Variants in ASTN2 observed in about 807,000 individuals in gnomAD.
ASTN2 encodes astrotactin-2.
ASTN2 carries 54 observed loss-of-function variants against 139.8 expected under a neutral mutation model. The ratio of observed to expected loss-of-function variants is 0.39; its 90% CI spans 0.31 to 0.48. The LOEUF (loss-of-function observed/expected upper bound fraction) is 0.48. Among genes scored for constraint, ASTN2 ranks in the 20% least tolerant of loss-of-function variants. The pLI is 0.95. For missense variants in ASTN2, 1,565 were observed against 1,725.1 expected (o/e 0.91, Z 1.64); for synonymous variants, 756 against 719.5 (o/e 1.05, Z -0.81).
In ASTN2 at chr9:116,780,892, T is replaced by G. The variant is rs1039934161; in HGVS notation, c.2396+24740A>C. On this transcript the variant is annotated intron_variant, in intron 13 of 22. Coordinates refer to ENST00000313400, the MANE Select transcript of ASTN2 (RefSeq NM_001365068.1). ...TTTGCTCTTGTTACCCAGGCTGGAG[T>G]GCAATGGCGCGATCTTGGCTCACTG... Among the ~76,000 whole-genome samples, 11 of 150,432 alleles carry G rather than the reference T, an allele frequency of 7.3e-5. No individual in the cohort carries two copies. In the East Asian group the frequency reaches 2.1e-3, roughly 29 times the overall value.
At chr9:117,140,929 G>A (rs74400091) in intron 4 of ASTN2, among the ~76,000 whole-genome samples, 1 of 152,158 alleles carries the variant, frequency 6.6e-6, no homozygotes, top group Admixed American at 6.6e-5. Flanking sequence ...CTGCTAAAAA[G>A]TAGGCGCAGA....
intron 10 of ASTN2, among the ~76,000 whole-genome samples, chr9:116,965,531 A>G (rs905130146): frequency 1.3e-5 from 2 of 152,214 alleles, no homozygotes; most frequent in African/African-American, 4.8e-5. Flanking sequence ...TGGGGAGTAC[A>G]GAAAGAAAGT....
In ASTN2 at chr9:117,012,327, T is replaced by C. The variant is rs1002713820; in HGVS notation, c.1424-4068A>G. Among the ~76,000 whole-genome samples the C allele has an allele frequency of 2.6e-5, 4 of 152,292 alleles. No homozygotes were observed. The East Asian group carries it at 7.7e-4, about 29-fold the overall frequency. On this transcript the variant is annotated intron_variant, in intron 6 of 22. Transcript: ENST00000313400. The stretch of plus-strand genomic sequence containing the variant: ...ATTCACCCAATGGGCTCATGATGCA[T>C]ATGGCAAAAGTAGAGAGGCAGGTAG...
intron 1 of ASTN2, among the ~76,000 whole-genome samples, chr9:117,361,273 C>T (rs1054604525): frequency 6.6e-6 from 1 of 152,210 alleles, no homozygotes; most frequent in Non-Finnish European, 1.5e-5. Context: ...TGAGTCTTTG[C>T]TTCTTGTTCT....
In ASTN2 at chr9:116,728,875, G is replaced by A. The variant is rs1002521272; in HGVS notation, c.2626+117C>T. On this transcript the variant is annotated intron_variant, in intron 15 of 22. Transcript: ENST00000313400. ...AGGACTCCTTGATGGCAGAGAGGAT[G>A]CATCCTCATTTCCTCAGCATCCCCA... The A allele has an allele frequency of 1.0e-4, 81 of 794,806 alleles. 1 individual carries two copies. Among genetic ancestry groups the A allele is most frequent in the Non-Finnish European group, 5.7e-5 (28 of 493,064 alleles). The allele number at this position is 794,806 out of a possible 1,614,324, so 49.2% of individuals were successfully genotyped here.
Position 117,402,867 on chromosome 9 carries a change from T to G in ASTN2, c.442+11630A>C, listed in dbSNP as rs564715861. On this transcript the variant is annotated intron_variant, in intron 1 of 22. Coordinates refer to ENST00000313400, the MANE Select transcript of ASTN2 (RefSeq NM_001365068.1). Reference sequence around the variant, plus strand: ...CCAAGAGGAGAAAGAGAAGGCTCCTTAGAGATGACACCCCTTAGAGCAGAT... The same window carrying G: ...CCAAGAGGAGAAAGAGAAGGCTCCTGAGAGATGACACCCCTTAGAGCAGAT... 5.3e-5 allele frequency among the ~76,000 whole-genome samples: 8 copies of G among 152,070 alleles called. No homozygotes were observed. The South Asian group carries it at 1.7e-3, about 32-fold the overall frequency.
chr9:116,783,742 C>A (rs7030327), intron 13 of ASTN2, among the ~76,000 whole-genome samples: 80,745 of 151,674 alleles, frequency 0.53, 21,718 homozygotes, highest in Middle Eastern at 0.64. Context: ...AGAAGGAAGG[C>A]GAAATATAGG....
intron 2 of ASTN2, among the ~76,000 whole-genome samples, chr9:117,226,645 T>C (rs1442150895): frequency 6.6e-6 from 1 of 152,136 alleles, no homozygotes; most frequent in African/African-American, 2.4e-5. Flanking sequence ...AGCAAGCAAA[T>C]GAACTAGGCA....
intron 5 of ASTN2, among the ~76,000 whole-genome samples, chr9:117,079,227 G>A (rs569948010): frequency 2.0e-5 from 3 of 152,240 alleles, no homozygotes; most frequent in South Asian, 2.1e-4. Context: ...GTGGTGGTGC[G>A]TGACTGTGGT....
rs115888029 is a variant in ASTN2 at position 116,944,883 on chromosome 9, A to C, written c.1889+30325T>G. On this transcript the variant is annotated intron_variant, in intron 10 of 22. Transcript: ENST00000313400. The stretch of plus-strand genomic sequence containing the variant: ...TATCAGTTAGGATGTGTTTGGCCTA[A>C]AAGAAGCAGAAAAGCATGACCAAAA... Among the ~76,000 whole-genome samples the C allele has an allele frequency of 4.7e-3, 722 of 152,230 alleles. 8 individuals carry two copies. The highest frequency in any genetic ancestry group is 0.017 in the African/African-American group (701 of 41,548).
intron 1 of ASTN2, among the ~76,000 whole-genome samples, chr9:117,389,319 C>T (rs1053751584): frequency 1.3e-5 from 2 of 152,144 alleles, no homozygotes; most frequent in Non-Finnish European, 2.9e-5. Flanking sequence ...ACACACAAAC[C>T]TAATTGCATT....
chr9:116,625,408 T>C (rs1051126045), intron 17 of ASTN2, among the ~76,000 whole-genome samples: 2 of 152,266 alleles, frequency 1.3e-5, no homozygotes, highest in African/African-American at 2.4e-5. Context: ...CACTCCAGCC[T>C]GGGCGACAGC....
chr9:117,342,626 C>A (rs1031328147), intron 1 of ASTN2, among the ~76,000 whole-genome samples: 5 of 152,152 alleles, frequency 3.3e-5, no homozygotes, highest in African/African-American at 4.8e-5. Flanking sequence ...GTTTCCTCAC[C>A]TACAAGGTCC....
chr9:117,058,530 G>T (rs1839136506), intron 5 of ASTN2, among the ~76,000 whole-genome samples: 1 of 152,194 alleles, frequency 6.6e-6, no homozygotes, highest in Admixed American at 6.5e-5. Context: ...AATGAAATTT[G>T]TGTCTGTTAT....
At chr9:116,513,935 A>G (rs979230382) in intron 19 of ASTN2, among the ~76,000 whole-genome samples, 10 of 151,472 alleles carry the variant, frequency 6.6e-5, no homozygotes, top group Non-Finnish European at 1.5e-5. Flanking sequence ...CTTCTTTGCG[A>G]TGGGTTCGAA....
At chr9:116,925,747 T>A (rs1834734904) in intron 10 of ASTN2, among the ~76,000 whole-genome samples, 1 of 152,030 alleles carries the variant, frequency 6.6e-6, no homozygotes, top group South Asian at 2.1e-4. Context: ...GATTAATAAT[T>A]TAAAAAATTA....
intron 16 of ASTN2, among the ~76,000 whole-genome samples, chr9:116,660,099 C>T (rs997021722): frequency 2.6e-5 from 4 of 151,174 alleles, no homozygotes; most frequent in Non-Finnish European, 4.4e-5. Context: ...TGTTGGGTGG[C>T]TTCTGAGAAG....
intron 4 of ASTN2, among the ~76,000 whole-genome samples, chr9:117,110,015 C>T (rs183959350): frequency 1.4e-4 from 21 of 152,204 alleles, no homozygotes; most frequent in South Asian, 6.2e-4. Context: ...GCCTATTTCA[C>T]GTTGGAATCT....
chr9:116,921,287 A>C lies in ASTN2; in HGVS notation c.1889+53921T>G, dbSNP rs149090628. 2.0e-3 allele frequency among the ~76,000 whole-genome samples: 309 copies of C among 152,288 alleles called. 2 individuals carry two copies. The highest frequency in any genetic ancestry group is 0.01 in the Middle Eastern group (3 of 294). On this transcript the variant is annotated intron_variant, in intron 10 of 22. Transcript: ENST00000313400. The stretch of plus-strand genomic sequence containing the variant: ...CAGACCTGCATGAGCCTGTTCTCAC[A>C]CTGCTATAAAGAACTACCTGGCTGG...
Sources: gnomAD v4.1 joint callset for allele counts (sites outside exome capture counted in the v4.1 genomes callset) on GRCh38, gnomAD v4.1.1 for gene constraint, MANE v1.5 for transcripts, NCBI Gene and HGNC (gene_info 2026-07-23, HGNC 2026-07-21) for gene names.